The following EFCAB8 variants were observed in gnomAD, a reference collection of about 807,000 sequenced individuals.
EFCAB8 encodes EF-hand calcium binding domain 8.
A neutral mutation model predicts 116.3 loss-of-function variants in EFCAB8; 100 were observed. That is an observed-to-expected ratio of 0.86 (90% CI 0.73 to 1.02). The LOEUF is 1.02. Ranked by LOEUF, EFCAB8 falls within the 50% of genes least tolerant of loss-of-function variation. EFCAB8 has a pLI of 0.00. For synonymous variants in EFCAB8, 558 were observed against 567.9 expected (o/e 0.98, Z 0.25); for missense variants, 1,320 against 1,416.9 (o/e 0.93, Z 1.10).
intron 23 of EFCAB8, among the ~76,000 whole-genome samples, chr20:32,951,379 G>T (rs1002379689): frequency 6.6e-6 from 1 of 152,194 alleles, no homozygotes; most frequent in Non-Finnish European, 1.5e-5. Context: ...AACGTGGTTG[G>T]ATCTCAAAAT....
At chr20:32,860,976 G>A (rs1247607293) in intron 1 of EFCAB8, among the ~76,000 whole-genome samples, 2 of 152,182 alleles carry the variant, frequency 1.3e-5, no homozygotes, top group Non-Finnish European at 1.5e-5. Flanking sequence ...CTGGGCTCAA[G>A]CGATCTTCCC....
At chr20:32,875,333 A>C in intron 3 of EFCAB8, among the ~76,000 whole-genome samples, 1 of 151,888 alleles carries the variant, frequency 6.6e-6, no homozygotes, top group Non-Finnish European at 1.5e-5. Context: ...GACAGGGCCA[A>C]GAGGGGCTGG....
chr20:32,956,325 CT>C (rs1988963285), intron 23 of EFCAB8, among the ~76,000 whole-genome samples: 1 of 152,038 alleles, frequency 6.6e-6, no homozygotes, highest in Non-Finnish European at 1.5e-5. Flanking sequence ...TTTATGGTTA[CT>C]CACATATTTA....
At chr20:32,879,267 G>A (rs780481096) in intron 5 of EFCAB8, among the ~76,000 whole-genome samples, 8 of 152,144 alleles carry the variant, frequency 5.3e-5, no homozygotes, top group Non-Finnish European at 1.2e-4. Context: ...TGCTCCTCAA[G>A]CCCCCAGCCA....
At chr20:32,919,093 T>C (rs1987333591) in intron 19 of EFCAB8, among the ~76,000 whole-genome samples, 1 of 151,756 alleles carries the variant, frequency 6.6e-6, no homozygotes. Context: ...TTGCGGGGAG[T>C]AGGGAGAAAG....
rs11483441 is a variant in EFCAB8 at position 32,921,831 on chromosome 20, C to CTT, written c.2412+1632_2412+1633dup. ...CATCTTATTCTTTTGTTACCTTATT[C>CTT]TTTTTTTTTTTTTTTTTGAGACGGA... On this transcript the variant is annotated intron_variant, in intron 20 of 26. Coordinates refer to ENST00000400522, the MANE Select transcript of EFCAB8 (RefSeq NM_001143967.2). 8.6e-3 allele frequency among the ~76,000 whole-genome samples: 1,124 copies of CTT among 130,206 alleles called. 12 individuals are homozygous for CTT. Among genetic ancestry groups the CTT allele is most frequent in the South Asian group, 0.019 (79 of 4,084 alleles). The allele number at this position is 130,206 out of a possible 152,430, so 85.4% of individuals were successfully genotyped here. A position where few individuals can be genotyped will look rare whatever the true frequency, so the allele number is the denominator to read the frequency against.
intron 11 of EFCAB8, among the ~76,000 whole-genome samples, chr20:32,899,918 G>A (rs755185994): frequency 2.6e-5 from 4 of 152,136 alleles, no homozygotes; most frequent in African/African-American, 9.7e-5. Context: ...GCCGTTTACT[G>A]TGGATAAACT....
intron 12 of EFCAB8, 60 bp from the exon 13 acceptor site, chr20:32,906,783 C>T: frequency 1.2e-6 from 1 of 853,724 alleles, no homozygotes. Context: ...ACCACCTTCA[C>T]CAGTGGGTGA....
intron 3 of EFCAB8, among the ~76,000 whole-genome samples, chr20:32,873,425 A>G (rs1984787878): frequency 6.6e-6 from 1 of 151,902 alleles, no homozygotes; most frequent in African/African-American, 2.4e-5. Context: ...AAAGTTGTAG[A>G]CAGGGGTTAT....
intron 26 of EFCAB8, 126 bp from the exon 27 acceptor site, chr20:32,961,010 T>C: frequency 1.2e-6 from 1 of 813,844 alleles, no homozygotes; most frequent in Non-Finnish European, 2.0e-6. Flanking sequence ...CACAGTCCTC[T>C]GGACACACGC....
At chr20:32,912,736 G>A in intron 16 of EFCAB8, 58 bp from the exon 17 acceptor site, 1 of 716,726 alleles carries the variant, frequency 1.4e-6, no homozygotes, top group South Asian at 1.5e-5. Flanking sequence ...GACATTTAGG[G>A]CCCAGAGCCA....
intron 5 of EFCAB8, among the ~76,000 whole-genome samples, 166 bp downstream of exon 5, chr20:32,878,973 G>GT (rs1321947109): frequency 6.6e-6 from 1 of 152,178 alleles, no homozygotes; most frequent in Non-Finnish European, 1.5e-5. Flanking sequence ...TCACAGCCCT[G>GT]TAAGTGTTAG....
intron 20 of EFCAB8, among the ~76,000 whole-genome samples, chr20:32,923,441 G>A (rs540986161): frequency 1.1e-3 from 162 of 152,162 alleles, no homozygotes; most frequent in African/African-American, 3.4e-3. Flanking sequence ...AGCTGAGATC[G>A]TGCCACTGCA....
At chr20:32,887,003 G>A (rs1416302307) in intron 6 of EFCAB8, among the ~76,000 whole-genome samples, 3 of 152,110 alleles carry the variant, frequency 2.0e-5, no homozygotes, top group African/African-American at 7.2e-5. Context: ...GTGGGGGTTA[G>A]ACTCCAGCCC....
Position 32,918,522 on chromosome 20 carries a change from C to T in EFCAB8, c.2222C>T (p.Pro741Leu), listed in dbSNP as rs1987300386. 2 of 1,551,696 alleles carry T rather than the reference C, an allele frequency of 1.3e-6. No homozygotes were observed. Among genetic ancestry groups the T allele is most frequent in the African/African-American group, 1.4e-5 (1 of 73,162 alleles). The change falls in exon 19 of 27, where the codon CCA (proline) becomes CTA (leucine). Residue 741 changes from proline to leucine, a missense_variant. Physicochemically the swap from Pro to Leu is moderately conservative, Grantham distance 98. Transcript: ENST00000400522. The part of the protein sequence containing the change: ...NLRRSLVSAP[P>L]VMRCPRDKEP... ...AGGCGGAGCCTGGTGTCGGCTCCCC[C>T]AGTGATGCGGTGCCCGAGAGACAAG...
At chr20:32,884,212 A>G (rs1985492635) in intron 5 of EFCAB8, among the ~76,000 whole-genome samples, 1 of 152,212 alleles carries the variant, frequency 6.6e-6, no homozygotes, top group Admixed American at 6.5e-5. Context: ...CCTTCATGAA[A>G]GAGTAACTTA....
intron 5 of EFCAB8, among the ~76,000 whole-genome samples, chr20:32,885,053 C>T (rs1985539312): frequency 6.6e-6 from 1 of 152,176 alleles, no homozygotes; most frequent in African/African-American, 2.4e-5. Flanking sequence ...GGTTCTGTTC[C>T]CCCCTCTACC....
chr20:32,928,793 C>T (rs1987772531), intron 20 of EFCAB8, among the ~76,000 whole-genome samples: 1 of 152,022 alleles, frequency 6.6e-6, no homozygotes, highest in Non-Finnish European at 1.5e-5. Flanking sequence ...TTCCTAATTC[C>T]AGAGGAAAAG....
intron 11 of EFCAB8, among the ~76,000 whole-genome samples, chr20:32,900,441 A>C (rs1600401091): frequency 6.6e-6 from 1 of 151,044 alleles, no homozygotes; most frequent in African/African-American, 2.4e-5. Context: ...GCTCACTGTA[A>C]CCTCCGCCTT....
Sources: gnomAD v4.1 joint callset for allele counts (sites outside exome capture counted in the v4.1 genomes callset) on GRCh38, gnomAD v4.1.1 for gene constraint, MANE v1.5 for transcripts, NCBI Gene and HGNC (gene_info 2026-07-23, HGNC 2026-07-21) for gene names.